PPP2R3B: variants seen among roughly 807,000 people sequenced by gnomAD.
PPP2R3B encodes serine/threonine-protein phosphatase 2A regulatory subunit B'' subunit beta.
PPP2R3B carries 68 observed loss-of-function variants against 72.9 expected under a neutral mutation model. The ratio of observed to expected loss-of-function variants is 0.93; its 90% confidence interval spans 0.77 to 1.14. The LOEUF (loss-of-function observed/expected upper bound fraction) is 1.14. Among genes scored for constraint, PPP2R3B ranks in the 50% most tolerant of loss-of-function variants. PPP2R3B has a pLI of 0.00. For missense variants in PPP2R3B, 1,018 were observed against 842.0 expected, an observed-to-expected ratio of 1.21 and a Z score of -2.59; for synonymous variants, 466 against 375.8, an observed-to-expected ratio of 1.24 and a Z score of -2.78.
chrX:356,503 A>G (rs1291198968), intron 2 of PPP2R3B, among the ~76,000 whole-genome samples: 1 of 152,162 alleles, frequency 6.6e-6, no homozygotes, highest in Non-Finnish European at 1.5e-5. Context: ...GGAGTGAGCC[A>G]CCACTCCTGG....
chrX:382,221 G>A (rs908093155), intron 1 of PPP2R3B, among the ~76,000 whole-genome samples: 8 of 142,186 alleles, frequency 5.6e-5, no homozygotes, highest in African/African-American at 2.1e-4. Flanking sequence ...TTGAGACAGA[G>A]TGTCTCACTC....
At chrX:353,580 A>G (rs140977131) in intron 2 of PPP2R3B, among the ~76,000 whole-genome samples, 1,713 of 152,386 alleles carry the variant, frequency 0.011, 56 homozygotes, top group East Asian at 0.085. Context: ...CAACTCTCCG[A>G]GGCCAGCATC....
At chrX:344,320 C>CG (rs1265760742) in intron 7 of PPP2R3B, among the ~76,000 whole-genome samples, 1 of 151,578 alleles carries the variant, frequency 6.6e-6, no homozygotes, top group African/African-American at 2.4e-5. Flanking sequence ...CAACGGGAGG[C>CG]GGGAGGGAGA....
intron 2 of PPP2R3B, among the ~76,000 whole-genome samples, chrX:352,461 C>T (rs752175631): frequency 4.0e-4 from 56 of 139,928 alleles, no homozygotes; most frequent in Non-Finnish European, 5.4e-4. Context: ...CGGCCATCTG[C>T]GGACTTTTAG....
intron 1 of PPP2R3B, among the ~76,000 whole-genome samples, chrX:377,829 G>A: frequency 7.7e-6 from 1 of 130,692 alleles, no homozygotes; most frequent in Non-Finnish European, 1.6e-5. Context: ...ATACACTACT[G>A]TATGCAGGGA....
intron 7 of PPP2R3B, among the ~76,000 whole-genome samples, chrX:344,427 T>A (rs2071151724): frequency 6.6e-6 from 1 of 152,230 alleles, no homozygotes; most frequent in Non-Finnish European, 1.5e-5. Flanking sequence ...CGGTCACCGG[T>A]GTCCCTGGGA....
chrX:348,275 AAATT>A, intron 2 of PPP2R3B, among the ~76,000 whole-genome samples: 1 of 96,618 alleles, frequency 1.0e-5, no homozygotes, highest in Admixed American at 1.0e-4. Flanking sequence ...GATTTCTTAA[AAATT>A]AATTAACCCT....
intron 2 of PPP2R3B, among the ~76,000 whole-genome samples, chrX:349,198 G>A (rs1201159507): frequency 1.3e-5 from 2 of 151,996 alleles, no homozygotes; most frequent in Non-Finnish European, 2.9e-5. Context: ...TGAATGCGAT[G>A]AGTCCCCTTC....
chrX:347,663 G>T lies in PPP2R3B; in HGVS notation c.541C>A (p.Pro181Thr). 6.4e-7 allele frequency: 1 copy of T among 1,558,868 alleles called. No homozygotes were observed. The highest frequency in any genetic ancestry group is 1.2e-5 in the South Asian group (1 of 85,030). ...ACGCPLYWKG[P>T]LFYGAGGERT... ...TCCCCGCCGGCGCCATAGAAGAGCG[G>T]CCCCTTCCAGTAGAGGGGGCAGCCG... The change falls in exon 3 of 13, where the codon CCG (proline) becomes ACG (threonine). Residue 181 changes from proline to threonine, a missense_variant. Coordinates refer to ENST00000390665, the MANE Select transcript of PPP2R3B (RefSeq NM_013239.5).
rs2071392130 is a variant in PPP2R3B, at chrX:354,138, G to A, written c.511-6445C>T. The stretch of plus-strand genomic sequence containing the variant: ...CAGGGGGCTCACCCAAAGACTGGGG[G>A]CTCACCCAAACACCGGGGGCTCACC... On this transcript the variant is annotated intron_variant, in intron 2 of 12. Transcript: ENST00000390665. 1.4e-5 allele frequency among the ~76,000 whole-genome samples: 2 copies of A among 138,880 alleles called. 1 individual carries two copies. The highest frequency in any genetic ancestry group is 4.4e-4 in the South Asian group (2 of 4,552). 91.1% of individuals were successfully genotyped at this position (138,880 alleles called of 152,430 possible).
At chrX:383,866 A>AAAC (rs2072183496) in intron 1 of PPP2R3B, among the ~76,000 whole-genome samples, 1 of 145,458 alleles carries the variant, frequency 6.9e-6, no homozygotes, top group Non-Finnish European at 1.5e-5. Flanking sequence ...AAAAAAAAAA[A>AAAC]ACCAAAAAAA....
At chrX:363,762 G>C in intron 1 of PPP2R3B, among the ~76,000 whole-genome samples, 1 of 149,754 alleles carries the variant, frequency 6.7e-6, no homozygotes, top group Non-Finnish European at 1.5e-5. Flanking sequence ...TCGCTGTGGG[G>C]GTCCCACTGT....
intron 12 of PPP2R3B, chrX:338,073 G>C: frequency 5.9e-6 from 1 of 169,724 alleles, no homozygotes; most frequent in Non-Finnish European, 1.3e-5. Context: ...GACACCACGT[G>C]AAGAGGGGGT....
At position 334,189 on chromosome X, in the gene PPP2R3B, G is replaced by A. The variant is rs2070820976; in HGVS notation, c.*178C>T. ...GCCCTACGTGTCCCCCTGGCACAGA[G>A]CTCTGGGCAGGTCCAGCCACGAACC... On this transcript the variant is annotated 3_prime_UTR_variant, in exon 13 of 13. Transcript: ENST00000390665. The A allele has an allele frequency of 2.8e-6, 2 of 703,664 alleles. No homozygotes were observed. The highest frequency in any genetic ancestry group is 4.2e-6 in the Non-Finnish European group (2 of 475,848). The allele number at this position is 703,664 out of a possible 1,614,324, so 43.6% of individuals were successfully genotyped here.
chrX:367,323 C>T (rs1220736760), intron 1 of PPP2R3B, among the ~76,000 whole-genome samples: 1 of 151,606 alleles, frequency 6.6e-6, no homozygotes, highest in East Asian at 1.9e-4. Context: ...AAAGTCAATA[C>T]AACAGCCTGT....
intron 1 of PPP2R3B, among the ~76,000 whole-genome samples, chrX:383,833 G>A (rs1283515500): frequency 5.8e-5 from 3 of 51,408 alleles, no homozygotes; most frequent in Non-Finnish European, 1.1e-4. Context: ...GCGAGACTCC[G>A]TCTCAAAAAA....
Position 386,777 on chromosome X carries a change from G to A in PPP2R3B, c.-86C>T. ...CGGTCCGCCCCGGACCGACCTCGGT[G>A]ATGCGAGCACGGCCCGCTGAGGGGG... is the stretch of plus-strand genomic sequence containing the variant. On this transcript the variant is annotated 5_prime_UTR_variant, in exon 1 of 13. Coordinates refer to ENST00000390665, the MANE Select transcript of PPP2R3B (RefSeq NM_013239.5). 1 of 867,418 alleles carries A rather than the reference G, an allele frequency of 1.2e-6. No homozygotes were observed. Among genetic ancestry groups the A allele is most frequent in the Non-Finnish European group, 1.5e-6 (1 of 677,216 alleles). The allele number at this position is 867,418 out of a possible 1,614,324, so 53.7% of individuals were successfully genotyped here. A position where few individuals can be genotyped will look rare whatever the true frequency, so the allele number is the denominator to read the frequency against.
chrX:372,097 T>C (rs946733027), intron 1 of PPP2R3B, among the ~76,000 whole-genome samples: 18 of 152,188 alleles, frequency 1.2e-4, no homozygotes, highest in African/African-American at 4.3e-4. Context: ...GCTAATCACC[T>C]CATTGACTCT....
intron 2 of PPP2R3B, among the ~76,000 whole-genome samples, chrX:350,812 C>T (rs913592690): frequency 5.7e-4 from 87 of 152,200 alleles, no homozygotes; most frequent in Non-Finnish European, 2.1e-4. Context: ...CGTAAAGCCC[C>T]GTGGCCCGGC....
Sources: allele counts gnomAD v4.1 joint callset (sites outside exome capture counted in the v4.1 genomes callset), GRCh38; gene constraint gnomAD v4.1.1; transcripts MANE v1.5; gene names NCBI Gene and HGNC (gene_info 2026-07-23, HGNC 2026-07-21).